DOCK9: variants seen among roughly 807,000 people sequenced by gnomAD.
DOCK9 encodes dedicator of cytokinesis protein 9.
A neutral mutation model predicts 263.3 loss-of-function variants in DOCK9; 89 were observed. The ratio of observed to expected loss-of-function variants is 0.34; its 90% CI spans 0.28 to 0.40. The LOEUF (loss-of-function observed/expected upper bound fraction) is 0.40, where lower values mean the gene tolerates loss of function less well. DOCK9 is among the 10% of genes least tolerant of loss of function. DOCK9 has a pLI of 1.00. For synonymous variants in DOCK9, 976 were observed against 973.1 expected, an observed-to-expected ratio of 1.00 and a Z score of -0.06; for missense variants, 2,140 against 2,603.4, an observed-to-expected ratio of 0.82 and a Z score of 3.87.
intron 2 of DOCK9, among the ~76,000 whole-genome samples, chr13:98,938,947 CAA>C (rs10589817): frequency 0.64 from 96,566 of 151,882 alleles, 31,349 homozygotes; most frequent in Middle Eastern, 0.78. Context: ...GAACCAGTGA[CAA>C]AGTGTCTCCA....
chr13:98,895,631 C>T (rs1415866966), intron 15 of DOCK9, among the ~76,000 whole-genome samples: 3 of 150,300 alleles, frequency 2.0e-5, no homozygotes, highest in East Asian at 2.0e-4. Context: ...TGCTACTGTA[C>T]GCCAGCCTGA....
At chr13:98,969,050 G>A (rs562833168) in intron 1 of DOCK9, among the ~76,000 whole-genome samples, 10 of 152,276 alleles carry the variant, frequency 6.6e-5, no homozygotes, top group South Asian at 4.2e-4. Context: ...TTTCAGGTAC[G>A]GCTGCCAGGA....
chr13:98,978,356 T>G (rs1875877947), upstream of DOCK9, among the ~76,000 whole-genome samples: 1 of 152,248 alleles, frequency 6.6e-6, no homozygotes, highest in Admixed American at 6.5e-5. Context: ...AGCAAGGTTG[T>G]CTGCTTGTTC....
intron 1 of DOCK9, among the ~76,000 whole-genome samples, chr13:99,084,556 T>G (rs2042254691): frequency 6.6e-6 from 1 of 152,176 alleles, no homozygotes; most frequent in Admixed American, 6.5e-5. Flanking sequence ...GAATGGACAC[T>G]CCTAGGTCAC....
At chr13:99,037,996 C>T (rs1888065998) in intron 1 of DOCK9, among the ~76,000 whole-genome samples, 1 of 152,158 alleles carries the variant, frequency 6.6e-6, no homozygotes, top group Non-Finnish European at 1.5e-5. Context: ...GGGTGATAAA[C>T]ATGTACATCA....
intron 37 of DOCK9, chr13:98,847,788 A>C (rs577749176): frequency 1.3e-5 from 2 of 152,380 alleles, no homozygotes; most frequent in Non-Finnish European, 2.9e-5. Flanking sequence ...ACAGTAAAAA[A>C]ATATAATACT....
At chr13:99,044,685 CTAACT>C (rs1267652044) in intron 1 of DOCK9, among the ~76,000 whole-genome samples, 4 of 152,184 alleles carry the variant, frequency 2.6e-5, no homozygotes, top group Non-Finnish European at 5.9e-5. Context: ...AGCTACGGAG[CTAACT>C]TAAAAGACAC....
intron 1 of DOCK9, among the ~76,000 whole-genome samples, chr13:99,059,392 C>G (rs913999594): frequency 6.6e-6 from 1 of 151,964 alleles, no homozygotes; most frequent in Non-Finnish European, 1.5e-5. Context: ...CAGGCATCAT[C>G]CTTGATTCCT....
In DOCK9 at chr13:98,970,403, G is replaced by T. The variant is rs543237075; in HGVS notation, c.126+7381C>A. Reference sequence around the variant, plus strand: ...ACAGGCAGTCCAGAGAACCTTCAGAGATGGGGGATCTGGAGGGCAGCCACT... The same window carrying T: ...ACAGGCAGTCCAGAGAACCTTCAGATATGGGGGATCTGGAGGGCAGCCACT... On this transcript the variant is annotated intron_variant, in intron 1 of 52. Transcript: ENST00000682017. Among the ~76,000 whole-genome samples the T allele has an allele frequency of 4.6e-5, 7 of 152,244 alleles. No individual in the cohort carries two copies. The East Asian group carries it at 1.3e-3, about 29-fold the overall frequency.
intron 1 of DOCK9, among the ~76,000 whole-genome samples, chr13:98,988,153 G>A (rs1878915997): frequency 6.6e-6 from 1 of 152,042 alleles, no homozygotes; most frequent in African/African-American, 2.4e-5. Flanking sequence ...TTAAAATAAT[G>A]TCCAGGAAAG....
In DOCK9 at chr13:99,013,552, G is replaced by A. The variant is rs147075087; in HGVS notation, c.130-58001C>T. Among the ~76,000 whole-genome samples, 714 of 152,330 alleles carry A rather than the reference G, an allele frequency of 4.7e-3. 7 individuals carry two copies. Among genetic ancestry groups the A allele is most frequent in the Middle Eastern group, 0.02 (6 of 294 alleles). On this transcript the variant is annotated intron_variant, in intron 1 of 32. Coordinates refer to the DOCK9 transcript ENST00000427887. ...AGAAACTATACAGGATCTGGGGAAA[G>A]GTGTGCCGGGGCATTTTAGGGTTAA...
chr13:99,032,570 G>A (rs1335008869), intron 1 of DOCK9, among the ~76,000 whole-genome samples: 1 of 151,838 alleles, frequency 6.6e-6, no homozygotes, highest in African/African-American at 2.4e-5. Context: ...CTGAGGCTAG[G>A]TCCTCTTCCT....
intron 2 of DOCK9, among the ~76,000 whole-genome samples, chr13:98,937,488 A>G (rs906925100): frequency 1.3e-5 from 2 of 152,222 alleles, no homozygotes; most frequent in Admixed American, 6.5e-5. Context: ...AATTATTTTC[A>G]GTCAATATTA....
intron 37 of DOCK9, chr13:98,847,816 A>G (rs1177753090): frequency 2.6e-5 from 4 of 152,228 alleles, no homozygotes; most frequent in Non-Finnish European, 5.9e-5. Context: ...AGACCCCACT[A>G]ATACAATAAC....
chr13:98,868,048 C>A (rs773877348), intron 28 of DOCK9, 37 bp from the exon 29 acceptor site: 2 of 1,595,116 alleles, frequency 1.3e-6, no homozygotes, highest in Non-Finnish European at 8.6e-7. Context: ...TATTTCAGGT[C>A]CAAACATTTC....
intron 1 of DOCK9, among the ~76,000 whole-genome samples, chr13:99,082,443 C>T (rs988674462): frequency 6.7e-6 from 1 of 148,224 alleles, no homozygotes; most frequent in African/African-American, 2.5e-5. Context: ...CACTTGAACC[C>T]GGGAAGCGGA....
chr13:98,810,712 A>G (rs1290575316), intron 45 of DOCK9, among the ~76,000 whole-genome samples: 1 of 152,226 alleles, frequency 6.6e-6, no homozygotes, highest in African/African-American at 2.4e-5. Context: ...AACACAAATT[A>G]AAGGGATTTA....
intron 49 of DOCK9, among the ~76,000 whole-genome samples, chr13:98,801,675 A>C: frequency 6.6e-6 from 1 of 152,316 alleles, no homozygotes; most frequent in Middle Eastern, 3.4e-3. Context: ...AGGCAGGTAG[A>C]TATGTACTTA....
chr13:98,979,861 A>C (rs1876720520), upstream of DOCK9, among the ~76,000 whole-genome samples: 1 of 152,244 alleles, frequency 6.6e-6, no homozygotes, highest in Non-Finnish European at 1.5e-5. Context: ...AGCCACAAGC[A>C]CAAAACAGAC....
Sources: gnomAD v4.1 joint callset for allele counts (sites outside exome capture counted in the v4.1 genomes callset) on GRCh38, gnomAD v4.1.1 for gene constraint, MANE v1.5 for transcripts, NCBI Gene and HGNC (gene_info 2026-07-23, HGNC 2026-07-21) for gene names.